Variants in ARL6IP6 observed in about 807,000 individuals in gnomAD.
ARL6IP6 encodes ADP-ribosylation factor-like protein 6-interacting protein 6.
A neutral mutation model predicts 21.5 loss-of-function variants in ARL6IP6; 22 were observed. The ratio of observed to expected loss-of-function variants is 1.02; its 90% confidence interval spans 0.73 to 1.46. The LOEUF is 1.46. Among genes scored for constraint, ARL6IP6 ranks in the 40% most tolerant of loss-of-function variants. The pLI, the probability that ARL6IP6 is intolerant of heterozygous loss-of-function variation, is 0.00. For synonymous variants in ARL6IP6, 164 were observed against 125.3 expected, an observed-to-expected ratio of 1.31 and a Z score of -2.06; for missense variants, 388 against 299.8, an observed-to-expected ratio of 1.29 and a Z score of -2.17.
intron 3 of ARL6IP6, among the ~76,000 whole-genome samples, chr2:152,746,402 A>G (rs1701048963): frequency 6.6e-6 from 1 of 152,202 alleles, no homozygotes; most frequent in African/African-American, 2.4e-5. Flanking sequence ...CCAGAGCAAT[A>G]CTGACAAGAA....
At chr2:152,746,001 C>CTTTTTTTTTTTTTTTTTTT (rs67760283) in intron 3 of ARL6IP6, among the ~76,000 whole-genome samples, 2 of 66,380 alleles carry the variant, frequency 3.0e-5, no homozygotes, top group Non-Finnish European at 4.8e-5. Context: ...TGCTTTGTAC[C>CTTTTTTTTTTTTTTTTTTT]TTTTTTTTTT....
chr2:152,756,001 A>G (rs1701575962), intron 3 of ARL6IP6, among the ~76,000 whole-genome samples: 2 of 152,188 alleles, frequency 1.3e-5, no homozygotes, highest in Admixed American at 1.3e-4. Context: ...ACTCTATCAG[A>G]TATAAGATTT....
rs373963152 is a variant in ARL6IP6, at chr2:152,759,823, G to T, written c.664G>T (p.Ala222Ser). ...LNGIVAALTVAWCLM is the reference protein window; with the variant it reads ...LNGIVAALTVSWCLM ...TGGCATCGTAGCTGCTCTTACTGTA[G>T]CATGGTGCCTCATGTAAACCCACAC... The change falls in exon 4 of 4, where the codon GCA becomes TCA. Residue 222 changes from alanine (A) to serine (S), a missense_variant. Physicochemically the swap from Ala to Ser is moderately conservative, Grantham distance 99. Coordinates refer to ENST00000326446, the MANE Select transcript of ARL6IP6 (RefSeq NM_152522.7). 1 of 1,612,990 alleles carries T rather than the reference G, an allele frequency of 6.2e-7. No individual in the cohort carries two copies. The highest frequency in any genetic ancestry group is 8.5e-7 in the Non-Finnish European group (1 of 1,179,230).
rs892185852 is a variant in ARL6IP6, at chr2:152,762,309, G to A, written c.*2469G>A. 6.6e-6 allele frequency among the ~76,000 whole-genome samples: 1 copy of A among 152,192 alleles called. No individual in the cohort carries two copies. The highest frequency in any genetic ancestry group is 1.5e-5 in the Non-Finnish European group (1 of 68,028). On this transcript the variant is annotated 3_prime_UTR_variant, in exon 4 of 4. Transcript: ENST00000326446. ...GCTGATAACGGATATTGCTAATGGC[G>A]TTACCCTGGTCCCTGAAGCCCAGTG...
At chr2:152,742,370 C>T (rs535293640) in intron 3 of ARL6IP6, among the ~76,000 whole-genome samples, 2 of 152,070 alleles carry the variant, frequency 1.3e-5, no homozygotes, top group African/African-American at 4.8e-5. Flanking sequence ...AAGTTTGAGA[C>T]CATCCTAGTC....
chr2:152,756,595 C>T (rs1004773125), intron 3 of ARL6IP6, among the ~76,000 whole-genome samples: 3 of 151,618 alleles, frequency 2.0e-5, no homozygotes, highest in Admixed American at 1.3e-4. Flanking sequence ...ATCTAGAATA[C>T]GTAAAGAACT....
chr2:152,744,693 G>A (rs974459035), intron 3 of ARL6IP6, among the ~76,000 whole-genome samples: 4 of 152,058 alleles, frequency 2.6e-5, no homozygotes, highest in Non-Finnish European at 5.9e-5. Context: ...TGATCACTAT[G>A]AATTATCCAT....
intron 2 of ARL6IP6, among the ~76,000 whole-genome samples, chr2:152,732,212 C>T (rs1026356489): frequency 2.0e-5 from 3 of 151,794 alleles, no homozygotes; most frequent in Admixed American, 6.6e-5. Context: ...TATAAAGTTA[C>T]TGGAGTAAAG....
chr2:152,731,447 A>T (rs1700307034), intron 2 of ARL6IP6, among the ~76,000 whole-genome samples: 1 of 152,170 alleles, frequency 6.6e-6, no homozygotes, highest in African/African-American at 2.4e-5. Context: ...AAATTTGATA[A>T]TTCGTAAGTC....
chr2:152,762,234 A>G lies in ARL6IP6; in HGVS notation c.*2394A>G, dbSNP rs1163981249. ...GACGAAGCTGGGAAAATGCAAGCCC[A>G]GGAAATGCTGGCAGCTGTAGTTCAG... On this transcript the variant is annotated 3_prime_UTR_variant, in exon 4 of 4. Coordinates refer to ENST00000326446, the MANE Select transcript of ARL6IP6 (RefSeq NM_152522.7). Among the ~76,000 whole-genome samples the G allele has an allele frequency of 1.3e-5, 2 of 152,052 alleles. No individual in the cohort carries two copies. Among genetic ancestry groups the G allele is most frequent in the African/African-American group, 4.8e-5 (2 of 41,454 alleles).
chr2:152,758,080 A>T (rs1701669254), intron 3 of ARL6IP6, among the ~76,000 whole-genome samples: 1 of 152,196 alleles, frequency 6.6e-6, no homozygotes, highest in Non-Finnish European at 1.5e-5. Context: ...TGGTTCCAGG[A>T]TTCCACACAG....
At chr2:152,749,960 C>CA (rs759530471) in intron 3 of ARL6IP6, among the ~76,000 whole-genome samples, 1 of 152,136 alleles carries the variant, frequency 6.6e-6, no homozygotes, top group Non-Finnish European at 1.5e-5. Context: ...CACATCTTAA[C>CA]AATGTTGATT....
At chr2:152,754,611 C>A (rs185992688) in intron 3 of ARL6IP6, among the ~76,000 whole-genome samples, 1 of 152,094 alleles carries the variant, frequency 6.6e-6, no homozygotes, top group African/African-American at 2.4e-5. Flanking sequence ...TATGTTAACT[C>A]TGTGTTTAAC....
At chr2:152,752,132 C>A (rs1315378924) in intron 3 of ARL6IP6, among the ~76,000 whole-genome samples, 4 of 152,182 alleles carry the variant, frequency 2.6e-5, no homozygotes, top group African/African-American at 9.6e-5. Flanking sequence ...TCTTTCTCTT[C>A]ATGAAATTGT....
intron 2 of ARL6IP6, among the ~76,000 whole-genome samples, chr2:152,730,569 T>C (rs1298292549): frequency 6.6e-6 from 1 of 152,128 alleles, no homozygotes; most frequent in Non-Finnish European, 1.5e-5. Flanking sequence ...CCTGATAGAT[T>C]GGTAGGAAGG....
At position 152,729,899 on chromosome 2, in the gene ARL6IP6, T is replaced by A. The variant is rs563913898; in HGVS notation, c.455-5095T>A. ...TCTTTTTAAAGTTGTTAATTCTTTC[T>A]AAGGGCTTATAAAACATCAAAATTT... On this transcript the variant is annotated intron_variant, in intron 2 of 3. Transcript: ENST00000326446. Among the ~76,000 whole-genome samples, 7 of 152,302 alleles carry A rather than the reference T, an allele frequency of 4.6e-5. No homozygotes were observed. In the South Asian group the frequency reaches 1.4e-3, roughly 32 times the overall value.
At chr2:152,729,232 T>C (rs1322009377) in intron 2 of ARL6IP6, among the ~76,000 whole-genome samples, 1 of 151,922 alleles carries the variant, frequency 6.6e-6, no homozygotes, top group Non-Finnish European at 1.5e-5. Context: ...TAGCTGGGTG[T>C]GGTGGCAGGC....
chr2:152,747,431 T>C (rs140583873), intron 3 of ARL6IP6, among the ~76,000 whole-genome samples: 28 of 152,308 alleles, frequency 1.8e-4, no homozygotes, highest in Middle Eastern at 3.4e-3. Flanking sequence ...TTAGCTCTTC[T>C]TTGGAATTTT....
At chr2:152,730,129 A>T (rs1700240399) in intron 2 of ARL6IP6, among the ~76,000 whole-genome samples, 1 of 152,222 alleles carries the variant, frequency 6.6e-6, no homozygotes, top group South Asian at 2.1e-4. Flanking sequence ...TGATTAGTTT[A>T]AAATGAACAT....
Sources: allele counts gnomAD v4.1 joint callset (sites outside exome capture counted in the v4.1 genomes callset), GRCh38; gene constraint gnomAD v4.1.1; transcripts MANE v1.5; gene names NCBI Gene and HGNC (gene_info 2026-07-23, HGNC 2026-07-21).